PXDC1: variants seen among roughly 807,000 people sequenced by gnomAD.
PXDC1 encodes the protein PX domain-containing protein 1.
Under a neutral mutation model 24.4 loss-of-function variants are expected in PXDC1, and 13 were observed. The ratio of observed to expected loss-of-function variants is 0.53; its 90% CI spans 0.35 to 0.85. The LOEUF (loss-of-function observed/expected upper bound fraction) is 0.85, where lower values mean the gene tolerates loss of function less well. Ranked by LOEUF, PXDC1 falls within the 40% of genes least tolerant of loss-of-function variation. PXDC1 has a pLI of 0.01. For synonymous variants in PXDC1, 162 were observed against 124.9 expected (o/e 1.30, Z -1.98); for missense variants, 344 against 309.3 (o/e 1.11, Z -0.84).
chr6:3,750,079 C>T (rs1007163258), intron 1 of PXDC1, among the ~76,000 whole-genome samples: 1 of 152,260 alleles, frequency 6.6e-6, no homozygotes, highest in African/African-American at 2.4e-5. Flanking sequence ...CCTTCTCGCT[C>T]AGGGCCCCAA....
rs1475205803 is a variant in PXDC1, at chr6:3,723,520, C to T, written c.*99G>A. ...TGGGGCCTGGGACGTCTGGGAGTTC[C>T]AGAGCTGGGGCAGCAGCTGTGACCA... is the stretch of plus-strand genomic sequence containing the variant. On this transcript the variant is annotated 3_prime_UTR_variant, in exon 5 of 5. Transcript: ENST00000380283. The T allele has an allele frequency of 1.2e-5, 11 of 945,008 alleles. No homozygotes were observed. The highest frequency in any genetic ancestry group is 1.9e-5 in the Non-Finnish European group (11 of 591,538). 58.5% of individuals were successfully genotyped at this position (945,008 alleles called of 1,614,324 possible).
At chr6:3,735,084 A>C (rs984848589) in intron 3 of PXDC1, among the ~76,000 whole-genome samples, 8 of 152,028 alleles carry the variant, frequency 5.3e-5, no homozygotes, top group African/African-American at 1.9e-4. Context: ...CCAACAAACA[A>C]AACAACAACA....
At chr6:3,738,188 A>C (rs1760372147) in intron 1 of PXDC1, 40 bp from the exon 2 acceptor site, 1 of 1,504,102 alleles carries the variant, frequency 6.6e-7, no homozygotes, top group Admixed American at 1.7e-5. Flanking sequence ...AGAATAGCAC[A>C]CCAGGAAACG....
intron 3 of PXDC1, among the ~76,000 whole-genome samples, chr6:3,736,606 G>A (rs951166958): frequency 1.8e-4 from 28 of 152,192 alleles, no homozygotes; most frequent in African/African-American, 6.8e-4. Flanking sequence ...CTGGCCAAGA[G>A]GCCCCAGCTT....
At position 3,737,066 on chromosome 6, in the gene PXDC1, T is replaced by C. The variant is rs1489740473; in HGVS notation, c.466+13A>G. 6.5e-7 allele frequency: 1 copy of C among 1,532,144 alleles called. No individual in the cohort carries two copies. Among genetic ancestry groups the C allele is most frequent in the South Asian group, 1.1e-5 (1 of 89,462 alleles). The allele number at this position is 1,532,144 out of a possible 1,614,324, so 94.9% of individuals were successfully genotyped here. ...GCAGTCCCTCCCACCAACGCCTCCT[T>C]TGTGGCTCTTACCTGATATTTTGAC... On this transcript the variant is annotated intron_variant, in intron 3 of 4. Coordinates refer to ENST00000380283, the MANE Select transcript of PXDC1 (RefSeq NM_183373.4). This position sits in a 1 kb window ranked among gnomAD's most constrained non-coding sequence, Gnocchi z 5.5.
chr6:3,739,610 C>T (rs935719641), intron 1 of PXDC1, among the ~76,000 whole-genome samples: 9 of 152,206 alleles, frequency 5.9e-5, no homozygotes, highest in African/African-American at 1.2e-4. Context: ...ATGCCCTGGC[C>T]GTCACCAGAG....
At chr6:3,732,381 G>A (rs1421826514) in intron 3 of PXDC1, among the ~76,000 whole-genome samples, 1 of 152,204 alleles carries the variant, frequency 6.6e-6, no homozygotes, top group East Asian at 1.9e-4. Context: ...CCTACATAGT[G>A]AAACTAAGGT....
intron 3 of PXDC1, among the ~76,000 whole-genome samples, chr6:3,735,430 T>C (rs1201575578): frequency 6.6e-6 from 1 of 152,208 alleles, no homozygotes; most frequent in Non-Finnish European, 1.5e-5. Context: ...TATTCAGCCA[T>C]TAAAAAGAAT....
chr6:3,731,466 A>T (rs1257664775), intron 3 of PXDC1, among the ~76,000 whole-genome samples: 2 of 152,276 alleles, frequency 1.3e-5, no homozygotes, highest in East Asian at 3.8e-4. Context: ...TTAATCACAT[A>T]CATGACTGAT....
intron 1 of PXDC1, among the ~76,000 whole-genome samples, chr6:3,750,034 G>A (rs530527976): frequency 4.6e-5 from 7 of 152,378 alleles, no homozygotes; most frequent in African/African-American, 1.7e-4. Flanking sequence ...ATAAATGTGA[G>A]GCTCTGGGGA....
chr6:3,748,941 A>G (rs1037583223), intron 1 of PXDC1, among the ~76,000 whole-genome samples: 2 of 152,232 alleles, frequency 1.3e-5, no homozygotes, highest in African/African-American at 4.8e-5. Flanking sequence ...TATCCAGATA[A>G]TCTTTTTATG....
At chr6:3,750,853 C>G (rs1304714913) in intron 1 of PXDC1, among the ~76,000 whole-genome samples, 1 of 152,160 alleles carries the variant, frequency 6.6e-6, no homozygotes, top group Non-Finnish European at 1.5e-5. Flanking sequence ...GGCTCGGACC[C>G]TGCAGTTAAC....
At chr6:3,747,081 C>T (rs1760587378) in intron 1 of PXDC1, among the ~76,000 whole-genome samples, 1 of 152,094 alleles carries the variant, frequency 6.6e-6, no homozygotes, top group Non-Finnish European at 1.5e-5. Context: ...CATGGCCTTA[C>T]TAAGAGAAAA....
At chr6:3,751,118 G>A (rs1362626398) in intron 1 of PXDC1, 158 bp downstream of exon 1, 3 of 578,584 alleles carry the variant, frequency 5.2e-6, no homozygotes, top group Non-Finnish European at 5.6e-6. Flanking sequence ...CCCGCCGCCC[G>A]GGCACCCCTC....
chr6:3,750,964 G>A, intron 1 of PXDC1: 1 of 333,482 alleles, frequency 3.0e-6, no homozygotes. Flanking sequence ...TCAGCCCCGG[G>A]CGCCCCCGCC....
At chr6:3,744,537 G>A (rs1163815566) in intron 1 of PXDC1, among the ~76,000 whole-genome samples, 1 of 152,196 alleles carries the variant, frequency 6.6e-6, no homozygotes, top group East Asian at 1.9e-4. Flanking sequence ...AGTGAGATGG[G>A]GAAGGTGGAG....
rs946021862 is a variant in PXDC1 at position 3,744,512 on chromosome 6, G to T, written c.257-6364C>A. Among the ~76,000 whole-genome samples the T allele has an allele frequency of 2.5e-4, 38 of 152,232 alleles. 1 individual carries two copies. Among genetic ancestry groups the T allele is most frequent in the Admixed American group, 2.2e-3 (34 of 15,280 alleles). ...GTGAGCGGATATAAGGGTGAAAGGG[G>T]TTGGGGAAAGAGGGAGTGAGATGGG... On this transcript the variant is annotated intron_variant, in intron 1 of 4. Coordinates refer to ENST00000380283, the MANE Select transcript of PXDC1 (RefSeq NM_183373.4).
At position 3,751,586 on chromosome 6, in the gene PXDC1, A is replaced by G; in HGVS notation, c.-55T>C. On this transcript the variant is annotated 5_prime_UTR_variant, in exon 1 of 5. Transcript: ENST00000380283. ...CCAGCCCCGCCGCCCGCCCGCCCGC[A>G]GGAGGCGCGCCCCGGCCGGGGTCGT... The G allele has an allele frequency of 6.9e-7, 1 of 1,441,140 alleles. No homozygotes were observed. Among genetic ancestry groups the G allele is most frequent in the Non-Finnish European group, 9.1e-7 (1 of 1,101,802 alleles). 89.3% of individuals were successfully genotyped at this position (1,441,140 alleles called of 1,614,324 possible). A position where few individuals can be genotyped will look rare whatever the true frequency, so the allele number is the denominator to read the frequency against.
intron 1 of PXDC1, among the ~76,000 whole-genome samples, chr6:3,748,641 C>T (rs1005484701): frequency 7.9e-5 from 12 of 152,216 alleles, no homozygotes; most frequent in Non-Finnish European, 7.3e-5. Flanking sequence ...CTCAGCATCC[C>T]TTTAATTGCT....
Sources: allele counts gnomAD v4.1 joint callset (sites outside exome capture counted in the v4.1 genomes callset), GRCh38; gene constraint gnomAD v4.1.1; non-coding constraint Gnocchi (gnomAD v3.1); transcripts MANE v1.5; gene names NCBI Gene and HGNC (gene_info 2026-07-23, HGNC 2026-07-21).